CRTC3: variants seen among roughly 807,000 people sequenced by gnomAD.
CRTC3 encodes the protein CREB-regulated transcription coactivator 3.
Under a neutral mutation model 74.5 loss-of-function variants are expected in CRTC3, and 26 were observed. The ratio of observed to expected loss-of-function variants is 0.35; its 90% CI spans 0.26 to 0.48. The LOEUF is 0.48. CRTC3 is among the 20% of genes least tolerant of loss of function. The pLI is 0.99. For missense variants in CRTC3, 760 were observed against 787.3 expected (o/e 0.97, Z 0.41); for synonymous variants, 377 against 325.8 (o/e 1.16, Z -1.69).
intron 7 of CRTC3, among the ~76,000 whole-genome samples, chr15:90,615,445 T>A (rs1968467908): frequency 6.6e-6 from 1 of 152,248 alleles, no homozygotes; most frequent in Non-Finnish European, 1.5e-5. Context: ...AGGGGGGACA[T>A]GATGAATGAG....
chr15:90,641,607 G>A (rs1297067085), intron 14 of CRTC3, among the ~76,000 whole-genome samples: 1 of 151,608 alleles, frequency 6.6e-6, no homozygotes, highest in African/African-American at 2.4e-5. Flanking sequence ...GGCTGAGGCA[G>A]AATGGCACCA....
intron 1 of CRTC3, among the ~76,000 whole-genome samples, chr15:90,536,883 T>A (rs1158216560): frequency 6.6e-6 from 1 of 152,224 alleles, no homozygotes; most frequent in Non-Finnish European, 1.5e-5. Context: ...AGCGATGCCA[T>A]GCAAGAACAT....
chr15:90,560,117 G>A (rs1230849200), intron 2 of CRTC3, among the ~76,000 whole-genome samples: 2 of 152,088 alleles, frequency 1.3e-5, no homozygotes, highest in African/African-American at 4.8e-5. Flanking sequence ...GTTTGATGAT[G>A]TTTTTTGGAA....
intron 7 of CRTC3, 66 bp from the exon 8 acceptor site, chr15:90,617,817 C>A: frequency 9.3e-7 from 1 of 1,072,628 alleles, no homozygotes; most frequent in Non-Finnish European, 1.4e-6. Flanking sequence ...AGGCGTGAGC[C>A]ACCGTGCCCG....
chr15:90,546,560 C>T (rs780195818), intron 2 of CRTC3, among the ~76,000 whole-genome samples: 42 of 152,022 alleles, frequency 2.8e-4, no homozygotes, highest in Non-Finnish European at 5.3e-4. Flanking sequence ...TATTTTCATT[C>T]CTTTGCTTTT....
intron 2 of CRTC3, among the ~76,000 whole-genome samples, chr15:90,584,236 G>A (rs919672333): frequency 2.8e-5 from 3 of 107,678 alleles, no homozygotes; most frequent in Non-Finnish European, 5.3e-5. Flanking sequence ...CTTCACCAAC[G>A]CTTTTTTTTT....
chr15:90,636,582 C>T (rs1018226107), intron 11 of CRTC3, among the ~76,000 whole-genome samples: 1 of 152,014 alleles, frequency 6.6e-6, no homozygotes, highest in African/African-American at 2.4e-5. Flanking sequence ...TAAAGAGCTT[C>T]TGCACAGCAA....
chr15:90,561,621 T>C (rs1201576400), intron 2 of CRTC3, among the ~76,000 whole-genome samples: 1 of 152,180 alleles, frequency 6.6e-6, no homozygotes. Flanking sequence ...ATCATATTAG[T>C]ATGAAGCAAT....
At chr15:90,570,055 A>G (rs1489008453) in intron 2 of CRTC3, among the ~76,000 whole-genome samples, 1 of 152,220 alleles carries the variant, frequency 6.6e-6, no homozygotes, top group Non-Finnish European at 1.5e-5. Context: ...ACTATGTTGA[A>G]CAAAATACTT....
At chr15:90,625,713 A>C in intron 9 of CRTC3, 63 bp from the exon 10 acceptor site, 3 of 1,424,220 alleles carry the variant, frequency 2.1e-6, no homozygotes, top group Non-Finnish European at 3.0e-6. Context: ...GGTTTCAGCC[A>C]TGTTTGGTTT....
At chr15:90,598,501 G>A (rs773721714) in intron 3 of CRTC3, 6 of 702,760 alleles carry the variant, frequency 8.5e-6, no homozygotes, top group African/African-American at 1.7e-5. Flanking sequence ...GTAACTCGAG[G>A]AGGAAGATTT....
intron 9 of CRTC3, among the ~76,000 whole-genome samples, chr15:90,624,606 T>G (rs1488655955): frequency 6.6e-6 from 1 of 152,114 alleles, no homozygotes; most frequent in African/African-American, 2.4e-5. Context: ...CATGGACAAC[T>G]CCTGCTTTTT....
At chr15:90,531,062 C>A (rs1190013578) in intron 1 of CRTC3, among the ~76,000 whole-genome samples, 1 of 150,474 alleles carries the variant, frequency 6.6e-6, no homozygotes, top group Non-Finnish European at 1.5e-5. Flanking sequence ...GGAGGATCTG[C>A]AGATTCTGGG....
intron 2 of CRTC3, among the ~76,000 whole-genome samples, chr15:90,575,253 A>G (rs1967376361): frequency 6.6e-6 from 1 of 152,166 alleles, no homozygotes; most frequent in African/African-American, 2.4e-5. Context: ...CAAGAGGCTG[A>G]GGCGGGAAAA....
chr15:90,608,140 CACTGTGAGT>C (rs1286533197), intron 6 of CRTC3, among the ~76,000 whole-genome samples: 2 of 152,122 alleles, frequency 1.3e-5, no homozygotes, highest in African/African-American at 2.4e-5. Context: ...GCCCCCTGGC[CACTGTGAGT>C]AAGGGGATGG....
rs75701897 is a variant in CRTC3, at chr15:90,559,236, A to C, written c.231+19099A>C. On this transcript the variant is annotated intron_variant, in intron 2 of 14. Coordinates refer to ENST00000268184, the MANE Select transcript of CRTC3 (RefSeq NM_022769.5). ...AGTTGAGTATTAGCACTATTCTGAG[A>C]ATTTTGTATGTATTATCTCATTGAA... 1.4e-3 allele frequency among the ~76,000 whole-genome samples: 210 copies of C among 152,210 alleles called. 1 individual carries two copies. The East Asian group carries it at 0.02, about 15-fold the overall frequency.
intron 2 of CRTC3, among the ~76,000 whole-genome samples, chr15:90,550,980 T>C (rs375565936): frequency 5.3e-5 from 8 of 152,228 alleles, no homozygotes; most frequent in African/African-American, 9.6e-5. Context: ...TATTTTCAGG[T>C]TGTGTAGGGC....
At chr15:90,578,259 A>T (rs1967453136) in intron 2 of CRTC3, among the ~76,000 whole-genome samples, 1 of 152,122 alleles carries the variant, frequency 6.6e-6, no homozygotes, top group Admixed American at 6.5e-5. Flanking sequence ...AAAAATGGTA[A>T]AGATGGGCTG....
chr15:90,623,223 G>T (rs762899139), intron 9 of CRTC3, among the ~76,000 whole-genome samples: 4 of 152,108 alleles, frequency 2.6e-5, no homozygotes, highest in African/African-American at 4.8e-5. Flanking sequence ...CTTTCTGAAA[G>T]CATATTTACT....
Sources: allele counts gnomAD v4.1 joint callset (sites outside exome capture counted in the v4.1 genomes callset), GRCh38; gene constraint gnomAD v4.1.1; transcripts MANE v1.5; gene names NCBI Gene and HGNC (gene_info 2026-07-23, HGNC 2026-07-21).